GSG1L: variants seen among roughly 807,000 people sequenced by gnomAD.
GSG1L encodes GSG1 like, also known as germ cell-specific gene 1-like protein.
GSG1L carries 24 observed loss-of-function variants against 42.1 expected under a neutral mutation model. That is an observed-to-expected ratio of 0.57 (90% confidence interval 0.41 to 0.80). The LOEUF is 0.80. Among genes scored for constraint, GSG1L ranks in the 30% least tolerant of loss-of-function variants. The pLI is 0.00. For synonymous variants in GSG1L, 215 were observed against 203.5 expected (o/e 1.06, Z -0.48); for missense variants, 445 against 472.2 (o/e 0.94, Z 0.53).
Position 27,789,491 on chromosome 16 carries a change from GAT to G in GSG1L, c.*1877_*1878del, listed in dbSNP as rs2082727863. On this transcript the variant is annotated 3_prime_UTR_variant, in exon 7 of 7. Transcript: ENST00000447459. ...TGGATGATGGATAGATGGATGAATG[GAT>G]AGATAGTGGATGGAAAGATGATGGA... is the stretch of plus-strand genomic sequence containing the variant. 6.6e-6 allele frequency: 1 copy of G among 151,360 alleles called. No individual in the cohort carries two copies. The highest frequency in any genetic ancestry group is 1.5e-5 in the Non-Finnish European group (1 of 67,730). 9.4% of individuals were successfully genotyped at this position (151,360 alleles called of 1,614,324 possible). A position where few individuals can be genotyped will look rare whatever the true frequency, so the allele number is the denominator to read the frequency against.
chr16:27,930,347 C>T (rs2084642095), intron 2 of GSG1L, among the ~76,000 whole-genome samples: 1 of 152,188 alleles, frequency 6.6e-6, no homozygotes, highest in Admixed American at 6.5e-5. Flanking sequence ...CCCAGCGAGG[C>T]CCCCCTAGAC....
intron 5 of GSG1L, among the ~76,000 whole-genome samples, chr16:27,813,999 T>C (rs980458745): frequency 6.6e-6 from 1 of 152,206 alleles, no homozygotes; most frequent in Non-Finnish European, 1.5e-5. Flanking sequence ...CCCTGGTTGT[T>C]GTAAGGACTC....
chr16:27,858,411 G>A (rs1364374328), intron 3 of GSG1L, among the ~76,000 whole-genome samples: 32 of 152,218 alleles, frequency 2.1e-4, no homozygotes, highest in Admixed American at 2.1e-3. Flanking sequence ...AACTCAGCCA[G>A]GGTAACACAG....
intron 2 of GSG1L, among the ~76,000 whole-genome samples, chr16:27,960,424 C>T (rs1011556524): frequency 4.6e-5 from 7 of 151,986 alleles, no homozygotes; most frequent in Admixed American, 2.6e-4. Context: ...GTGCCAGTGT[C>T]GCGATTATCG....
At chr16:27,941,902 T>C (rs2084802202) in intron 2 of GSG1L, among the ~76,000 whole-genome samples, 1 of 152,118 alleles carries the variant, frequency 6.6e-6, no homozygotes, top group Non-Finnish European at 1.5e-5. Context: ...AGTAGTCAAA[T>C]TCATAGAGAT....
Position 27,890,010 on chromosome 16 carries a change from A to C in GSG1L, c.398-5372T>G, listed in dbSNP as rs182114412. 3.3e-5 allele frequency among the ~76,000 whole-genome samples: 5 copies of C among 152,286 alleles called. No homozygotes were observed. In the East Asian group the frequency reaches 5.8e-4, roughly 18 times the overall value. ...TAGGTAGTGGCATAGTCTAGATTCA[A>C]ACTCATGCCTCTCTGCCTCCAGGAA... is the stretch of plus-strand genomic sequence containing the variant. On this transcript the variant is annotated intron_variant, in intron 2 of 6. Coordinates refer to ENST00000447459, the MANE Select transcript of GSG1L (RefSeq NM_001109763.2).
chr16:28,044,608 T>C (rs2086142351), intron 1 of GSG1L, among the ~76,000 whole-genome samples: 1 of 148,702 alleles, frequency 6.7e-6, no homozygotes, highest in African/African-American at 2.5e-5. Flanking sequence ...TGAAAAGACA[T>C]GCAGGCAACG....
chr16:28,029,632 G>A (rs2085935737), intron 1 of GSG1L, among the ~76,000 whole-genome samples: 1 of 152,064 alleles, frequency 6.6e-6, no homozygotes, highest in Non-Finnish European at 1.5e-5. Flanking sequence ...TGGGTGGGTG[G>A]ATCATGGGTA....
At chr16:28,003,365 G>A (rs2085600590) in intron 1 of GSG1L, among the ~76,000 whole-genome samples, 1 of 152,204 alleles carries the variant, frequency 6.6e-6, no homozygotes, top group South Asian at 2.1e-4. Context: ...ATGGGAGCTG[G>A]GCAACCTCTC....
At chr16:27,796,920 G>C (rs968849678) in intron 6 of GSG1L, among the ~76,000 whole-genome samples, 1 of 152,176 alleles carries the variant, frequency 6.6e-6, no homozygotes, top group Non-Finnish European at 1.5e-5. Flanking sequence ...ACGTGAGTGA[G>C]ATGCGGCCCT....
rs149815372 is a variant in GSG1L, at chr16:27,951,946, C to T, written c.397+11210G>A. On this transcript the variant is annotated intron_variant, in intron 2 of 6. Transcript: ENST00000447459. ...GGAGCCAACCACATTGTTACACATC[C>T]CTGAAATATTAAACAAATGAAACCT... Among the ~76,000 whole-genome samples, 604 of 152,272 alleles carry T rather than the reference C, an allele frequency of 4.0e-3. 1 individual carries two copies. The highest frequency in any genetic ancestry group is 0.01 in the Middle Eastern group (3 of 294).
At chr16:28,006,846 C>G (rs1463482618) in intron 1 of GSG1L, among the ~76,000 whole-genome samples, 1 of 152,082 alleles carries the variant, frequency 6.6e-6, no homozygotes, top group African/African-American at 2.4e-5. Context: ...AGTGAGCCAC[C>G]CTAGCAACCA....
chr16:27,795,748 G>C (rs750108117), intron 6 of GSG1L, among the ~76,000 whole-genome samples: 26 of 152,282 alleles, frequency 1.7e-4, no homozygotes, highest in Middle Eastern at 6.8e-3. Flanking sequence ...TTGACCACAG[G>C]AGGTTCCCCA....
At chr16:27,917,958 T>A (rs1239719409) in intron 2 of GSG1L, among the ~76,000 whole-genome samples, 1 of 151,944 alleles carries the variant, frequency 6.6e-6, no homozygotes, top group Non-Finnish European at 1.5e-5. Flanking sequence ...AAATCCCTGA[T>A]TTTTAGCAAA....
rs2082711151 is a variant in GSG1L, at chr16:27,787,962, T to A, written c.*3408A>T. On this transcript the variant is annotated 3_prime_UTR_variant, in exon 7 of 7. Transcript: ENST00000447459. Reference sequence around the variant, plus strand: ...ACCATAATTGCTCTCCCAGGCCCATTTCCAGCCCCGCCTTAAGCCCCACCT... The same window carrying A: ...ACCATAATTGCTCTCCCAGGCCCATATCCAGCCCCGCCTTAAGCCCCACCT... The A allele has an allele frequency of 6.6e-6, 1 of 151,824 alleles. No homozygotes were observed. The highest frequency in any genetic ancestry group is 1.5e-5 in the Non-Finnish European group (1 of 67,842). 9.4% of individuals were successfully genotyped at this position (151,824 alleles called of 1,614,324 possible).
At chr16:28,018,070 C>T (rs1218136609) in intron 1 of GSG1L, among the ~76,000 whole-genome samples, 1 of 151,678 alleles carries the variant, frequency 6.6e-6, no homozygotes, top group Non-Finnish European at 1.5e-5. Context: ...GAAAATAGCC[C>T]CAGAAATATG....
intron 1 of GSG1L, among the ~76,000 whole-genome samples, chr16:28,012,942 T>G (rs1346093414): frequency 2.0e-5 from 3 of 149,346 alleles, no homozygotes; most frequent in Admixed American, 1.3e-4. Flanking sequence ...AACTTACAAG[T>G]GCCCAGGTGC....
chr16:27,834,601 G>C lies in GSG1L; in HGVS notation c.663-5645C>G, dbSNP rs568129034. On this transcript the variant is annotated intron_variant, in intron 4 of 6. Transcript: ENST00000447459. Reference sequence around the variant, plus strand: ...ATTTATAAACTAAATTTCCTTAGTAGTTATAGGGATATTCAAATTACTTAT... The same window carrying C: ...ATTTATAAACTAAATTTCCTTAGTACTTATAGGGATATTCAAATTACTTAT... Among the ~76,000 whole-genome samples the C allele has an allele frequency of 6.6e-5, 10 of 152,232 alleles. 1 individual carries two copies. The highest frequency in any genetic ancestry group is 2.4e-4 in the African/African-American group (10 of 41,562).
chr16:28,024,460 A>T (rs1421861485), intron 1 of GSG1L, among the ~76,000 whole-genome samples: 2 of 152,262 alleles, frequency 1.3e-5, no homozygotes, highest in Non-Finnish European at 2.9e-5. Context: ...GTGAAAAATA[A>T]AACAATCTAG....
Sources: gnomAD v4.1 joint callset for allele counts (sites outside exome capture counted in the v4.1 genomes callset) on GRCh38, gnomAD v4.1.1 for gene constraint, MANE v1.5 for transcripts, NCBI Gene and HGNC (gene_info 2026-07-23, HGNC 2026-07-21) for gene names.